Variants in LOC128125822 observed in about 807,000 individuals in gnomAD.
the LOC128125822 span, among the ~76,000 whole-genome samples, chr6:63,577,669 G>C: frequency 3.3e-5 from 5 of 152,066 alleles, no homozygotes; most frequent in Admixed American, 1.3e-4. Flanking sequence ...CAATTCTCCT[G>C]CCTCAGCCTC....
chr6:63,579,452 C>A, the LOC128125822 span: 1 of 653,798 alleles, frequency 1.5e-6, no homozygotes, highest in Non-Finnish European at 2.4e-6. Context: ...AGTATTAAAA[C>A]CAGGAAATCA....
chr6:63,581,686 A>G, the LOC128125822 span: 6 of 152,176 alleles, frequency 3.9e-5, no homozygotes, highest in Admixed American at 3.9e-4. Flanking sequence ...GAACCAATTT[A>G]TTATTGTGTA....
At chr6:63,579,207 C>G in the LOC128125822 span, 4 of 1,537,230 alleles carry the variant, frequency 2.6e-6, no homozygotes, top group Non-Finnish European at 3.6e-6. Flanking sequence ...AATAAATTTA[C>G]AAAGATCTGA....
At chr6:63,583,308 AAAT>A in the LOC128125822 span, 1 of 152,212 alleles carries the variant, frequency 6.6e-6, no homozygotes, top group Non-Finnish European at 1.5e-5. Flanking sequence ...TTGCTTCCTT[AAAT>A]TAATATGTTT....
chr6:63,583,050 A>G, the LOC128125822 span: 1 of 152,186 alleles, frequency 6.6e-6, no homozygotes, highest in African/African-American at 2.4e-5. Flanking sequence ...AGAATATGGC[A>G]AAGAACATAA....
the LOC128125822 span, chr6:63,583,200 T>C: frequency 2.6e-5 from 4 of 152,326 alleles, no homozygotes; most frequent in African/African-American, 9.6e-5. Flanking sequence ...GTGAATGATA[T>C]TTTTCTTTTA....
the LOC128125822 span, chr6:63,577,086 T>G: frequency 2.6e-5 from 21 of 794,910 alleles, no homozygotes; most frequent in Middle Eastern, 2.4e-4. Flanking sequence ...TGAGATGATA[T>G]ACCTACAATT....
chr6:63,579,908 G>T, the LOC128125822 span: 1 of 635,924 alleles, frequency 1.6e-6, no homozygotes. Context: ...ACACTGATGT[G>T]CCTGTTCATA....
the LOC128125822 span, chr6:63,576,405 TTC>T: frequency 2.5e-6 from 1 of 399,940 alleles, no homozygotes; most frequent in Non-Finnish European, 4.4e-6. Context: ...AAATAACTTA[TTC>T]TCTCTTTCTG....
chr6:63,576,918 C>A, the LOC128125822 span: 2 of 1,613,900 alleles, frequency 1.2e-6, no homozygotes, highest in Non-Finnish European at 1.7e-6. Flanking sequence ...GTGGAAGTCA[C>A]ATACAAGAAC....
At chr6:63,582,952 A>T in the LOC128125822 span, 1 of 152,182 alleles carries the variant, frequency 6.6e-6, no homozygotes, top group Non-Finnish European at 1.5e-5. Flanking sequence ...GTAGTCCCTC[A>T]ACTTGGCTAA....
the LOC128125822 span, chr6:63,580,110 G>A: frequency 5.0e-6 from 8 of 1,612,560 alleles, no homozygotes; most frequent in African/African-American, 5.4e-5. Flanking sequence ...GAGAAGTATC[G>A]TCCTAAAATG....
the LOC128125822 span, chr6:63,579,185 A>G: frequency 6.7e-7 from 1 of 1,483,748 alleles, no homozygotes; most frequent in Admixed American, 1.9e-5. Context: ...TGAGTTGGGG[A>G]ATGTTTGGAG....
At chr6:63,581,819 C>T in the LOC128125822 span, 4 of 152,070 alleles carry the variant, frequency 2.6e-5, no homozygotes, top group Admixed American at 2.6e-4. Flanking sequence ...AATTACATAC[C>T]TTTATAGATT....
chr6:63,579,470 AC>A, the LOC128125822 span: 1 of 584,178 alleles, frequency 1.7e-6, no homozygotes, highest in Non-Finnish European at 2.8e-6. Flanking sequence ...TCAAGATCTT[AC>A]ATTCTTTTTT....
chr6:63,580,268 G>A, the LOC128125822 span: 1 of 1,056,388 alleles, frequency 9.5e-7, no homozygotes, highest in South Asian at 1.3e-5. Context: ...TAAGTCTAAT[G>A]AAGCTTCCAT....
At chr6:63,576,991 A>G in the LOC128125822 span, 3 of 1,597,956 alleles carry the variant, frequency 1.9e-6, no homozygotes, top group Non-Finnish European at 2.6e-6. Context: ...TAGAGGTAAG[A>G]TTTGATATGT....
the LOC128125822 span, chr6:63,579,444 T>A: frequency 1.4e-6 from 1 of 714,468 alleles, no homozygotes; most frequent in Non-Finnish European, 2.1e-6. Flanking sequence ...TTTGAGATAG[T>A]ATTAAAACCA....
At chr6:63,574,935 C>T in the LOC128125822 span, among the ~76,000 whole-genome samples, 2 of 152,158 alleles carry the variant, frequency 1.3e-5, no homozygotes, top group Non-Finnish European at 2.9e-5. Flanking sequence ...GTGAAGTAAC[C>T]TCTGAGGGCT....
Sources: allele counts gnomAD v4.1 joint callset (sites outside exome capture counted in the v4.1 genomes callset), GRCh38; gene constraint gnomAD v4.1.1; transcripts MANE v1.5.